Variants in PRKCD observed in about 807,000 individuals in gnomAD.
PRKCD encodes the protein protein kinase C delta type.
In PRKCD, 20 loss-of-function variants were observed where a neutral mutation model predicts 82.2. The observed-to-expected ratio is 0.24, with a 90% confidence interval of 0.17 to 0.35. The LOEUF (loss-of-function observed/expected upper bound fraction) is 0.35, where lower values mean the gene tolerates loss of function less well. Among genes scored for constraint, PRKCD ranks in the 10% least tolerant of loss-of-function variants. PRKCD has a pLI of 1.00. For missense variants in PRKCD, 607 were observed against 899.0 expected, an observed-to-expected ratio of 0.68 and a Z score of 4.15; for synonymous variants, 317 against 337.0, an observed-to-expected ratio of 0.94 and a Z score of 0.65.
intron 8 of PRKCD, 67 bp from the exon 9 acceptor site, chr3:53,183,385 A>G: frequency 1.9e-6 from 3 of 1,601,682 alleles, no homozygotes; most frequent in Non-Finnish European, 2.6e-6. Flanking sequence ...GTTGGGGGAG[A>G]GCTAGGGGTT....
chr3:53,189,398 G>A, intron 17 of PRKCD, 152 bp downstream of exon 17: 1 of 887,664 alleles, frequency 1.1e-6, no homozygotes. Context: ...CTCTCACCAT[G>A]TTCCCAGGAA....
Position 53,186,700 on chromosome 3 carries a change from G to A in PRKCD, c.1352+5G>A, listed in dbSNP as rs1553669245. 2.5e-6 allele frequency: 4 copies of A among 1,611,354 alleles called. No homozygotes were observed. Among genetic ancestry groups the A allele is most frequent in the Admixed American group, 1.7e-5 (1 of 59,898 alleles). On this transcript the variant is annotated splice_donor_5th_base_variant and intron_variant, in intron 14 of 18. Coordinates refer to ENST00000330452, the MANE Select transcript of PRKCD (RefSeq NM_006254.4). ...CTTTGAACTCTACCGTGCCACGTAC[G>A]TAAGGGCCATGGTGGGGAAGGGCCC...
chr3:53,171,233 TCTGA>T (rs1186247016), intron 2 of PRKCD, among the ~76,000 whole-genome samples: 1 of 152,202 alleles, frequency 6.6e-6, no homozygotes, highest in African/African-American at 2.4e-5. Flanking sequence ...GGCACCGCCC[TCTGA>T]CTGAGCCCAG....
In PRKCD at chr3:53,169,967, A is replaced by G. The variant is rs1553664555; in HGVS notation, c.-20+4752A>G. Reference sequence around the variant, plus strand: ...GCTGCCTGCTGTGGGATGGCGCACCATGCGGGATGGTCCTGCCTCTCTCCC... The same window carrying G: ...GCTGCCTGCTGTGGGATGGCGCACCGTGCGGGATGGTCCTGCCTCTCTCCC... On this transcript the variant is annotated intron_variant, in intron 2 of 18. Transcript: ENST00000330452. This position sits in a 1 kb window ranked among gnomAD's most constrained non-coding sequence, Gnocchi z 4.7. Among the ~76,000 whole-genome samples the G allele has an allele frequency of 6.6e-6, 1 of 152,218 alleles. No individual in the cohort carries two copies. The highest frequency in any genetic ancestry group is 1.5e-5 in the Non-Finnish European group (1 of 68,030).
intron 3 of PRKCD, 71 bp from the exon 4 acceptor site, chr3:53,179,506 A>C: frequency 6.3e-7 from 1 of 1,585,304 alleles, no homozygotes; most frequent in East Asian, 2.2e-5. Flanking sequence ...TGCCAGGGGA[A>C]GGCCGTGGAG....
At chr3:53,165,716 G>T (rs1405528127) in intron 2 of PRKCD, among the ~76,000 whole-genome samples, 1 of 152,138 alleles carries the variant, frequency 6.6e-6, no homozygotes, top group African/African-American at 2.4e-5. Flanking sequence ...CACACCCCAG[G>T]CCCCTCCATT....
At chr3:53,183,427 C>T in intron 8 of PRKCD, 25 bp from the exon 9 acceptor site, 1 of 1,613,356 alleles carries the variant, frequency 6.2e-7, no homozygotes, top group Non-Finnish European at 8.5e-7. Context: ...ACGTGACCCT[C>T]AGCCTGTGAT....
chr3:53,179,762 A>G lies in PRKCD; in HGVS notation c.301A>G (p.Lys101Glu). Residue 101 changes from lysine to glutamate, a missense_variant, in exon 4 of 19, where the codon AAG becomes GAG. Lys to Glu is a moderately conservative substitution (Grantham distance 56, BLOSUM62 1). Around this residue, in one of 5 missense-constraint regions of PRKCD, gnomAD observed 161 missense variants for 227.0 expected, o/e 0.71. Coordinates refer to ENST00000330452, the MANE Select transcript of PRKCD (RefSeq NM_006254.4). Reference protein sequence around the residue: ...LAERCKKNNGKAEFWLDLQPQ... With the variant: ...LAERCKKNNGEAEFWLDLQPQ... ...CGAGCGCTGCAAGAAGAACAATGGC[A>G]AGGCTGAGTTCTGGGTAAGGGGCGC... 1 of 1,565,906 alleles carries G rather than the reference A, an allele frequency of 6.4e-7. No homozygotes were observed. Among genetic ancestry groups the G allele is most frequent in the Non-Finnish European group, 8.7e-7 (1 of 1,154,164 alleles).
chr3:53,161,481 C>G (rs1344832090), intron 1 of PRKCD, 53 bp downstream of exon 1: 3 of 151,914 alleles, frequency 2.0e-5, no homozygotes, highest in African/African-American at 7.2e-5. Context: ...GAGGGCGCGG[C>G]GCCCTTCCTT....
intron 2 of PRKCD, among the ~76,000 whole-genome samples, chr3:53,170,467 G>T (rs550589350): frequency 5.9e-5 from 9 of 152,388 alleles, no homozygotes; most frequent in Admixed American, 5.9e-4. Context: ...GCCTGTGACT[G>T]CCACCTGTGA....
intron 15 of PRKCD, 120 bp from the exon 16 acceptor site, chr3:53,188,600 A>G: frequency 7.6e-7 from 1 of 1,310,260 alleles, no homozygotes; most frequent in South Asian, 1.5e-5. Context: ...TCTGTTTCTC[A>G]TTCCCTTGTA....
intron 18 of PRKCD, among the ~76,000 whole-genome samples, chr3:53,191,652 G>C (rs1703929881): frequency 6.6e-6 from 1 of 152,234 alleles, no homozygotes; most frequent in Non-Finnish European, 1.5e-5. Context: ...AGCAGGCATA[G>C]ACAGTATGTC....
At chr3:53,190,073 T>C (rs1216816060) in intron 18 of PRKCD, 72 bp downstream of exon 18, 4 of 1,582,596 alleles carry the variant, frequency 2.5e-6, no homozygotes, top group Admixed American at 1.7e-5. Flanking sequence ...TCCTGCATCA[T>C]TCACACGCTT....
At chr3:53,165,609 C>A (rs1553663735) in intron 2 of PRKCD, among the ~76,000 whole-genome samples, 1 of 152,212 alleles carries the variant, frequency 6.6e-6, no homozygotes, top group African/African-American at 2.4e-5. Flanking sequence ...CATCATCACA[C>A]AAGGACACTG....
chr3:53,185,735 A>G, intron 11 of PRKCD, 35 bp downstream of exon 11: 1 of 1,602,820 alleles, frequency 6.2e-7, no homozygotes, highest in Non-Finnish European at 8.5e-7. Flanking sequence ...TACGGTTTTT[A>G]TTCCCCCTGA....
At chr3:53,188,976 C>A (rs1553670141) in intron 16 of PRKCD, 82 bp from the exon 17 acceptor site, 2 of 1,570,992 alleles carry the variant, frequency 1.3e-6, no homozygotes, top group Non-Finnish European at 1.7e-6. Flanking sequence ...GCTGAGGCGG[C>A]CTGGCTAGGC....
chr3:53,181,111 C>T, intron 4 of PRKCD, 96 bp from the exon 5 acceptor site: 2 of 1,380,934 alleles, frequency 1.4e-6, no homozygotes, highest in Admixed American at 4.0e-5. Context: ...GCTGCCTTGG[C>T]CTTGGGGGAC....
At chr3:53,167,920 G>A (rs1702885720) in intron 2 of PRKCD, among the ~76,000 whole-genome samples, 1 of 152,186 alleles carries the variant, frequency 6.6e-6, no homozygotes, top group Admixed American at 6.5e-5. Flanking sequence ...GCTCCTGTTG[G>A]AGCAGCTCCA....
intron 15 of PRKCD, among the ~76,000 whole-genome samples, chr3:53,187,702 C>T (rs1703761609): frequency 6.6e-6 from 1 of 152,136 alleles, no homozygotes; most frequent in Non-Finnish European, 1.5e-5. Flanking sequence ...AAGCTTCTGC[C>T]AGAAGGGACT....
Sources: gnomAD v4.1 joint callset for allele counts (sites outside exome capture counted in the v4.1 genomes callset) on GRCh38, gnomAD v4.1.1 for gene constraint, gnomAD v4.1.1 regional missense constraint, Gnocchi (gnomAD v3.1) non-coding constraint, MANE v1.5 for transcripts, NCBI Gene and HGNC (gene_info 2026-07-23, HGNC 2026-07-21) for gene names.